The following TEAD1 variants were observed in gnomAD, a reference collection of about 807,000 sequenced individuals.
The protein encoded by TEAD1 is TEA domain transcription factor 1.
A neutral mutation model predicts 54.9 loss-of-function variants in TEAD1; 9 were observed. The observed-to-expected ratio is 0.16, with a 90% CI of 0.10 to 0.29. The LOEUF (loss-of-function observed/expected upper bound fraction) is 0.29. TEAD1 is among the 10% of genes least tolerant of loss of function. TEAD1 has a pLI of 1.00. For missense variants in TEAD1, 387 were observed against 535.9 expected (o/e 0.72, Z 2.74); for synonymous variants, 200 against 187.8 (o/e 1.07, Z -0.53).
chr11:12,859,833 A>G (rs1038208598), intron 3 of TEAD1, among the ~76,000 whole-genome samples: 3 of 152,176 alleles, frequency 2.0e-5, no homozygotes, highest in African/African-American at 7.2e-5. Flanking sequence ...GGGTAGGGAC[A>G]TATCAGAAGA....
chr11:12,755,196 G>A (rs1030956683), intron 2 of TEAD1, among the ~76,000 whole-genome samples: 1 of 152,084 alleles, frequency 6.6e-6, no homozygotes, highest in African/African-American at 2.4e-5. Context: ...CATTTCTAAT[G>A]GTATAAGACC....
chr11:12,822,140 T>G (rs1403817069), intron 3 of TEAD1, among the ~76,000 whole-genome samples: 2 of 151,844 alleles, frequency 1.3e-5, no homozygotes, highest in Non-Finnish European at 2.9e-5. Flanking sequence ...ATTTTTTGTA[T>G]TTTTAGTAGA....
At chr11:12,720,018 G>A in intron 2 of TEAD1, among the ~76,000 whole-genome samples, 1 of 104,592 alleles carries the variant, frequency 9.6e-6, no homozygotes, top group African/African-American at 3.6e-5. Context: ...GCCATGCTGT[G>A]TCTTGTAGAT....
intron 10 of TEAD1, 149 bp downstream of exon 10, chr11:12,902,262 A>G (rs1948438000): frequency 9.1e-7 from 1 of 1,097,518 alleles, no homozygotes; most frequent in Admixed American, 1.7e-5. Flanking sequence ...ACGGACTCAC[A>G]CCTGTGAACT....
chr11:12,743,278 A>G (rs1313566097), intron 2 of TEAD1, among the ~76,000 whole-genome samples: 3 of 152,244 alleles, frequency 2.0e-5, no homozygotes, highest in Non-Finnish European at 4.4e-5. Flanking sequence ...ACAGCACTCA[A>G]TAAATGTTGC....
intron 3 of TEAD1, among the ~76,000 whole-genome samples, chr11:12,805,358 G>A (rs1425862019): frequency 3.3e-5 from 5 of 152,156 alleles, no homozygotes; most frequent in African/African-American, 1.2e-4. Context: ...TATAGTTTGT[G>A]AGATGGGCAA....
At chr11:12,784,078 T>C (rs1945624536) in intron 3 of TEAD1, among the ~76,000 whole-genome samples, 1 of 151,860 alleles carries the variant, frequency 6.6e-6, no homozygotes, top group Admixed American at 6.6e-5. Flanking sequence ...AGGTCAGAGG[T>C]TATGGGAGTG....
chr11:12,722,623 A>G (rs4384370), intron 2 of TEAD1, among the ~76,000 whole-genome samples: 19,123 of 151,746 alleles, frequency 0.13, 4,109 homozygotes, highest in African/African-American at 0.44. Context: ...GTCGCTGCAT[A>G]TATACCCTGT....
intron 12 of TEAD1, among the ~76,000 whole-genome samples, chr11:12,932,554 C>T: frequency 6.6e-6 from 1 of 152,134 alleles, no homozygotes; most frequent in East Asian, 1.9e-4. Context: ...GTTAAAGCCC[C>T]TGTTACCCAC....
At chr11:12,725,381 A>G in intron 2 of TEAD1, among the ~76,000 whole-genome samples, 1 of 152,212 alleles carries the variant, frequency 6.6e-6, no homozygotes. Flanking sequence ...AATTCTCTTC[A>G]AGAGTCATGT....
chr11:12,863,864 A>G (rs1947556937), intron 4 of TEAD1, among the ~76,000 whole-genome samples: 1 of 152,164 alleles, frequency 6.6e-6, no homozygotes, highest in South Asian at 2.1e-4. Flanking sequence ...ACGCCCCGGC[A>G]TCCTGGGGAT....
intron 2 of TEAD1, among the ~76,000 whole-genome samples, chr11:12,687,875 G>C (rs1943366423): frequency 6.6e-6 from 1 of 152,096 alleles, no homozygotes; most frequent in African/African-American, 2.4e-5. Flanking sequence ...AGAGAGAGGG[G>C]GCAGGACTCC....
At chr11:12,883,848 C>A (rs1589956614) in intron 9 of TEAD1, among the ~76,000 whole-genome samples, 1 of 151,992 alleles carries the variant, frequency 6.6e-6, no homozygotes, top group East Asian at 1.9e-4. Flanking sequence ...CCCGTCTCTA[C>A]TAAAAATACA....
intron 3 of TEAD1, among the ~76,000 whole-genome samples, chr11:12,772,185 A>C (rs547133419): frequency 6.6e-6 from 1 of 152,178 alleles, no homozygotes; most frequent in East Asian, 1.9e-4. Flanking sequence ...GTTTATGTTC[A>C]CTTTCTACCT....
intron 5 of TEAD1, among the ~76,000 whole-genome samples, chr11:12,871,037 C>T (rs1164182068): frequency 6.6e-6 from 1 of 152,200 alleles, no homozygotes; most frequent in African/African-American, 2.4e-5. Flanking sequence ...TGACCCACTG[C>T]TCTCAAGGGG....
At chr11:12,831,783 A>C (rs1487352585) in intron 3 of TEAD1, among the ~76,000 whole-genome samples, 1 of 150,838 alleles carries the variant, frequency 6.6e-6, no homozygotes, top group Non-Finnish European at 1.5e-5. Context: ...GCTGTCTCAA[A>C]AAAAAAAAAA....
Position 12,878,939 on chromosome 11 carries a change from C to T in TEAD1, c.331-769C>T, listed in dbSNP as rs984243665. On this transcript the variant is annotated intron_variant, in intron 5 of 12. Transcript: ENST00000527636. ...CCAAACTGAGTATTCTGTATTTTAG[C>T]TGTGCTTGGCAGACTTTTTTGGCTA... 3.9e-6 allele frequency: 5 copies of T among 1,276,570 alleles called. No individual in the cohort carries two copies. The African/African-American group carries it at 6.1e-5, about 16-fold the overall frequency. The allele number at this position is 1,276,570 out of a possible 1,614,324, so 79.1% of individuals were successfully genotyped here. A position where few individuals can be genotyped will look rare whatever the true frequency, so the allele number is the denominator to read the frequency against.
chr11:12,930,895 A>G (rs1024238785), intron 12 of TEAD1, among the ~76,000 whole-genome samples: 9 of 152,240 alleles, frequency 5.9e-5, no homozygotes, highest in Non-Finnish European at 1.3e-4. Flanking sequence ...AGCTCTCAGT[A>G]CCAGAAGAAA....
intron 3 of TEAD1, among the ~76,000 whole-genome samples, chr11:12,815,601 C>T (rs749247070): frequency 6.6e-6 from 1 of 152,180 alleles, no homozygotes; most frequent in Admixed American, 6.5e-5. Context: ...GGTGTTTCAA[C>T]TAGATGTAAC....
Sources: allele counts gnomAD v4.1 joint callset (sites outside exome capture counted in the v4.1 genomes callset), GRCh38; gene constraint gnomAD v4.1.1; transcripts MANE v1.5; gene names NCBI Gene and HGNC (gene_info 2026-07-23, HGNC 2026-07-21).